Variants in CTNNA3 observed in about 807,000 individuals in gnomAD.
CTNNA3 encodes the protein catenin alpha 3, also known as catenin alpha-3.
Under a neutral mutation model 95.7 loss-of-function variants are expected in CTNNA3, and 76 were observed. The observed-to-expected ratio is 0.79, with a 90% CI of 0.66 to 0.96. The LOEUF is 0.96. Ranked by LOEUF, CTNNA3 falls within the 40% of genes least tolerant of loss-of-function variation. CTNNA3 has a pLI of 0.00. For synonymous variants in CTNNA3, 431 were observed against 374.4 expected (o/e 1.15, Z -1.74); for missense variants, 1,191 against 1,089.8 (o/e 1.09, Z -1.31).
chr10:66,406,549 G>A (rs1467693817), intron 11 of CTNNA3, among the ~76,000 whole-genome samples: 2 of 152,122 alleles, frequency 1.3e-5, no homozygotes, highest in Non-Finnish European at 1.5e-5. Flanking sequence ...ATAATAAGCT[G>A]ATGTTGAATA....
At chr10:67,403,570 T>C (rs1478009504) in intron 5 of CTNNA3, among the ~76,000 whole-genome samples, 1 of 152,198 alleles carries the variant, frequency 6.6e-6, no homozygotes, top group Non-Finnish European at 1.5e-5. Context: ...CTCCCTGTGA[T>C]GGAGTGCCCA....
chr10:66,543,907 GTGTGTATATATATATATA>G (rs1444717633), intron 10 of CTNNA3, among the ~76,000 whole-genome samples: 693 of 28,974 alleles, frequency 0.024, 15 homozygotes, highest in Non-Finnish European at 0.034. Context: ...AGATGTGTGT[GTGTGTATATATATATATA>G]TATATATATA....
intron 11 of CTNNA3, among the ~76,000 whole-genome samples, chr10:66,448,534 G>A (rs1252590145): frequency 6.6e-6 from 1 of 152,126 alleles, no homozygotes; most frequent in African/African-American, 2.4e-5. Context: ...GTAGGGACAT[G>A]GATGAAACTG....
intron 7 of CTNNA3, among the ~76,000 whole-genome samples, chr10:66,987,177 A>G (rs907445811): frequency 6.6e-6 from 1 of 152,198 alleles, no homozygotes; most frequent in East Asian, 1.9e-4. Context: ...GGGCAGGACT[A>G]AGGGAGAGGG....
intron 3 of CTNNA3, among the ~76,000 whole-genome samples, chr10:67,574,250 C>T (rs1408565367): frequency 1.3e-5 from 2 of 152,074 alleles, no homozygotes; most frequent in Admixed American, 6.6e-5. Context: ...AACTTTAAGT[C>T]GTATGCTTAT....
rs771836124 is a variant in CTNNA3, at chr10:66,091,175, CAG to C, written c.1977+11980_1977+11981del. Among the ~76,000 whole-genome samples the C allele has an allele frequency of 2.0e-5, 3 of 151,850 alleles. No individual in the cohort carries two copies. In the East Asian group the frequency reaches 5.8e-4, roughly 29 times the overall value. The stretch of plus-strand genomic sequence containing the variant: ...TGATGACAATTTAAGGCAGAAAAAG[CAG>C]AGACATACTTGCTAGCCAGATGTCT... On this transcript the variant is annotated intron_variant, in intron 14 of 17. Coordinates refer to ENST00000433211, the MANE Select transcript of CTNNA3 (RefSeq NM_013266.4).
chr10:67,254,625 C>T (rs548240577), intron 5 of CTNNA3, among the ~76,000 whole-genome samples: 4 of 152,294 alleles, frequency 2.6e-5, no homozygotes, highest in South Asian at 4.1e-4. Context: ...TTTTAGTCAA[C>T]GACAAACCAC....
intron 11 of CTNNA3, among the ~76,000 whole-genome samples, chr10:66,438,542 T>C (rs2093353808): frequency 6.6e-6 from 1 of 152,064 alleles, no homozygotes; most frequent in Non-Finnish European, 1.5e-5. Flanking sequence ...GGTGGATGCC[T>C]CTCACCCACA....
intron 14 of CTNNA3, among the ~76,000 whole-genome samples, chr10:66,071,480 A>G (rs2080432679): frequency 6.6e-6 from 1 of 151,846 alleles, no homozygotes. Flanking sequence ...TAAGTGATTT[A>G]TCAAGATTAT....
At chr10:67,549,202 C>T (rs1840940861) in intron 3 of CTNNA3, among the ~76,000 whole-genome samples, 1 of 151,974 alleles carries the variant, frequency 6.6e-6, no homozygotes, top group Admixed American at 6.6e-5. Flanking sequence ...GTACTGGAAA[C>T]TGTCACTTTA....
At chr10:67,452,201 G>A (rs1007278849) in intron 5 of CTNNA3, among the ~76,000 whole-genome samples, 1 of 152,080 alleles carries the variant, frequency 6.6e-6, no homozygotes, top group Non-Finnish European at 1.5e-5. Context: ...AGGCATTATA[G>A]ATGCATTTGG....
intron 1 of CTNNA3, among the ~76,000 whole-genome samples, chr10:67,732,912 A>AAACT (rs33931736): frequency 0.14 from 21,084 of 151,152 alleles, 2,417 homozygotes; most frequent in African/African-American, 0.32. Flanking sequence ...ACACACACAC[A>AAACT]TTCTCTCTCT....
chr10:65,925,000 C>T (rs1207468855), intron 17 of CTNNA3, among the ~76,000 whole-genome samples: 1 of 152,152 alleles, frequency 6.6e-6, no homozygotes, highest in African/African-American at 2.4e-5. Context: ...CCCACTGGGT[C>T]CCTCCCATGA....
intron 10 of CTNNA3, among the ~76,000 whole-genome samples, chr10:66,605,002 A>G (rs1207004557): frequency 6.6e-6 from 1 of 152,164 alleles, no homozygotes; most frequent in Non-Finnish European, 1.5e-5. Flanking sequence ...ATGGATAGGA[A>G]CAAAGATCAT....
intron 3 of CTNNA3, among the ~76,000 whole-genome samples, chr10:67,602,822 G>A (rs570054806): frequency 6.6e-6 from 1 of 152,152 alleles, no homozygotes; most frequent in Admixed American, 6.5e-5. Flanking sequence ...GTCAGGATAG[G>A]GCTCATATCC....
intron 5 of CTNNA3, among the ~76,000 whole-genome samples, chr10:67,498,476 C>A (rs1425216449): frequency 3.3e-5 from 5 of 151,870 alleles, no homozygotes; most frequent in African/African-American, 1.2e-4. Context: ...TGAGGAAAGT[C>A]AGTGGTAGCT....
At chr10:67,497,896 T>C (rs943906174) in intron 5 of CTNNA3, among the ~76,000 whole-genome samples, 4 of 152,246 alleles carry the variant, frequency 2.6e-5, no homozygotes, top group African/African-American at 9.6e-5. Flanking sequence ...CTGTTCACTC[T>C]GATAATAGTT....
chr10:67,065,390 G>T (rs1856014329), intron 7 of CTNNA3, among the ~76,000 whole-genome samples: 1 of 151,974 alleles, frequency 6.6e-6, no homozygotes, highest in Non-Finnish European at 1.5e-5. Context: ...AGGTATAAGG[G>T]CATTGATTAT....
intron 12 of CTNNA3, among the ~76,000 whole-genome samples, chr10:66,318,080 G>A (rs935954935): frequency 1.3e-5 from 2 of 151,944 alleles, no homozygotes; most frequent in Non-Finnish European, 2.9e-5. Context: ...CCATCTCCTT[G>A]TACAGGCTCT....
Sources: gnomAD v4.1 joint callset for allele counts (sites outside exome capture counted in the v4.1 genomes callset) on GRCh38, gnomAD v4.1.1 for gene constraint, MANE v1.5 for transcripts, NCBI Gene and HGNC (gene_info 2026-07-23, HGNC 2026-07-21) for gene names.